Variants in NPAT observed in about 807,000 individuals in gnomAD.
The protein encoded by NPAT is nuclear protein, coactivator of histone transcription, also known as protein NPAT.
NPAT carries 52 observed loss-of-function variants against 130.7 expected under a neutral mutation model. The observed-to-expected ratio is 0.40, with a 90% CI of 0.32 to 0.50. The LOEUF (loss-of-function observed/expected upper bound fraction) is 0.50, where lower values mean the gene tolerates loss of function less well. NPAT is among the 20% of genes least tolerant of loss of function. The probability of loss-of-function intolerance (pLI) is 0.68; values close to 1 mark genes in which losing one functional copy is unlikely to be tolerated. For missense variants in NPAT, 1,687 were observed against 1,662.6 expected (o/e 1.01, Z -0.26); for synonymous variants, 580 against 584.8 (o/e 0.99, Z 0.12).
In NPAT at chr11:108,197,347, A is replaced by G. The variant is rs1480958727; in HGVS notation, c.111T>C (p.Tyr37=). The G allele has an allele frequency of 6.2e-7, 1 of 1,613,356 alleles. No individual in the cohort carries two copies. ...FILESSDLKE[Y]AEHCTDEGFI... Reference sequence around the variant, plus strand: ...ACCCTTCATCTGTACAATGTTCTGCATATTCTTTTAAATCTGAACTTTCCA... The same window carrying G: ...ACCCTTCATCTGTACAATGTTCTGCGTATTCTTTTAAATCTGAACTTTCCA... Residue 37 remains tyrosine (Y), a synonymous_variant, in exon 2 of 18, where the codon TAT becomes TAC. Coordinates refer to ENST00000278612, the MANE Select transcript of NPAT (RefSeq NM_002519.3).
rs1180051150 is a variant in NPAT at position 108,172,918 on chromosome 11, G to A, written c.2066C>T (p.Pro689Leu). 1 of 1,614,096 alleles carries A rather than the reference G, an allele frequency of 6.2e-7. No individual in the cohort carries two copies. ...NANCEKVALT[P>L]PEGTPVENSH... ...GTTTTCTACAGGAGTGCCTTCTGGA[G>A]GCGTCAGTGCAACTTTCTCACAGTT... The change falls in exon 13 of 18, where the codon CCT (proline) becomes CTT (leucine). Residue 689 changes from proline to leucine, a missense_variant. Physicochemically the swap from Pro to Leu is moderately conservative, Grantham distance 98. This residue lies in a region of NPAT where 1,379 missense variants were observed against 1,346.6 expected (regional missense o/e 1.02). Transcript: ENST00000278612.
chr11:108,180,075 C>T (rs1024365214), intron 10 of NPAT, among the ~76,000 whole-genome samples: 2 of 152,136 alleles, frequency 1.3e-5, no homozygotes, highest in Non-Finnish European at 2.9e-5. Context: ...ACCTATAGTC[C>T]TAGCACTTTG....
At chr11:108,174,184 T>C (rs1371933168) in intron 12 of NPAT, among the ~76,000 whole-genome samples, 2 of 152,204 alleles carry the variant, frequency 1.3e-5, no homozygotes, top group African/African-American at 4.8e-5. Flanking sequence ...CACTAACTTT[T>C]CAACTTCTAA....
intron 6 of NPAT, 101 bp downstream of exon 6, chr11:108,189,005 G>C: frequency 2.2e-6 from 2 of 894,498 alleles, no homozygotes; most frequent in South Asian, 1.4e-5. Flanking sequence ...TTTATGGGGG[G>C]GGCCATAATT....
chr11:108,211,787 A>C (rs539426939), intron 1 of NPAT, among the ~76,000 whole-genome samples: 2 of 152,346 alleles, frequency 1.3e-5, no homozygotes, highest in African/African-American at 2.4e-5. Context: ...CCATCTCTGC[A>C]AAAAATTAAA....
chr11:108,221,416 A>G (rs2078493387), intron 1 of NPAT, among the ~76,000 whole-genome samples: 1 of 152,256 alleles, frequency 6.6e-6, no homozygotes, highest in Non-Finnish European at 1.5e-5. Context: ...GCAAAAGATT[A>G]ATCAGACATT....
intron 1 of NPAT, among the ~76,000 whole-genome samples, chr11:108,201,584 G>C (rs1490022961): frequency 6.6e-6 from 1 of 152,186 alleles, no homozygotes; most frequent in Non-Finnish European, 1.5e-5. Context: ...AGCTGAATTT[G>C]GTAGCTAAAG....
At position 108,173,712 on chromosome 11, in the gene NPAT, C is replaced by T. The variant is rs771764618; in HGVS notation, c.1272G>A (p.Gln424=). 6 of 1,614,026 alleles carry T rather than the reference C, an allele frequency of 3.7e-6. No individual in the cohort carries two copies. In the African/African-American group the frequency reaches 6.7e-5, roughly 18 times the overall value. ...GTACAGCTGTTTTAAAGGCCTTTTT[C>T]TGTATGCTGGTACTTATTTGGGAAA... ...ENFSQISTSI[Q]KKAFKTAVPT... is the part of the protein sequence containing the mutation. The change falls in exon 13 of 18, where the codon CAG becomes CAA. Residue 424 remains glutamine, a synonymous_variant. Coordinates refer to ENST00000278612, the MANE Select transcript of NPAT (RefSeq NM_002519.3).
chr11:108,197,517 T>C (rs991358032), intron 1 of NPAT, 97 bp from the exon 2 acceptor site: 21 of 831,100 alleles, frequency 2.5e-5, no homozygotes, highest in Non-Finnish European at 3.6e-5. Flanking sequence ...GATGTCACAA[T>C]TGAAACCTTA....
intron 10 of NPAT, among the ~76,000 whole-genome samples, chr11:108,179,831 G>A: frequency 6.6e-6 from 1 of 151,934 alleles, no homozygotes; most frequent in African/African-American, 2.4e-5. Context: ...AATCATAAGG[G>A]AAAAGCTTCA....
intron 3 of NPAT, among the ~76,000 whole-genome samples, chr11:108,193,661 G>T (rs2078192322): frequency 6.6e-6 from 1 of 152,088 alleles, no homozygotes; most frequent in Non-Finnish European, 1.5e-5. Flanking sequence ...GGAGCTGGAG[G>T]TTGCAGTGAG....
chr11:108,183,762 T>C (rs2078078753), intron 10 of NPAT, among the ~76,000 whole-genome samples: 1 of 152,070 alleles, frequency 6.6e-6, no homozygotes, highest in African/African-American at 2.4e-5. Flanking sequence ...GCCACTGCAC[T>C]CCAGCCTGGG....
chr11:108,169,813 T>G lies in NPAT; in HGVS notation c.2941A>C (p.Ser981Arg). The change falls in exon 15 of 18, where the codon AGT becomes CGT. Residue 981 changes from serine (S) to arginine (R), a missense_variant. Physicochemically the swap from Ser to Arg is moderately radical, Grantham distance 110. Coordinates refer to ENST00000278612, the MANE Select transcript of NPAT (RefSeq NM_002519.3). Reference sequence around the variant, plus strand: ...GGAGGGACGGGGAATTGAGGGATACTTCTATTGCATACAGGTGCTGTCAAA... The same window carrying G: ...GGAGGGACGGGGAATTGAGGGATACGTCTATTGCATACAGGTGCTGTCAAA... ...MPLTAPVCNRSIPQFPVPPKS... is the reference protein window; with the variant it reads ...MPLTAPVCNRRIPQFPVPPKS... The G allele has an allele frequency of 5.0e-6, 8 of 1,614,092 alleles. No individual in the cohort carries two copies. The highest frequency in any genetic ancestry group is 2.2e-5 in the East Asian group (1 of 44,882).
chr11:108,199,454 T>C (rs1047834291), intron 1 of NPAT, among the ~76,000 whole-genome samples: 1 of 152,218 alleles, frequency 6.6e-6, no homozygotes, highest in Admixed American at 6.5e-5. Flanking sequence ...CTGGACAGCA[T>C]AGCGGCACTG....
chr11:108,172,061 C>A, intron 13 of NPAT, 138 bp downstream of exon 13: 2 of 737,778 alleles, frequency 2.7e-6, no homozygotes, highest in South Asian at 3.1e-5. Flanking sequence ...CATAAAGAAG[C>A]AGCGTAATCA....
chr11:108,194,613 A>G (rs1381352448), intron 2 of NPAT, among the ~76,000 whole-genome samples: 2 of 152,204 alleles, frequency 1.3e-5, no homozygotes, highest in African/African-American at 2.4e-5. Context: ...GAGTTTGTCA[A>G]TTTTTGAAAG....
intron 13 of NPAT, chr11:108,171,124 ATTTTTTTTT>A (rs63478164): frequency 3.1e-5 from 3 of 95,848 alleles, no homozygotes; most frequent in Admixed American, 2.9e-4. Context: ...TGAAAAAAGG[ATTTTTTTTT>A]TTTTTTTTTT....
intron 10 of NPAT, among the ~76,000 whole-genome samples, chr11:108,179,057 C>T (rs538174408): frequency 2.0e-5 from 3 of 152,058 alleles, no homozygotes; most frequent in Non-Finnish European, 4.4e-5. Flanking sequence ...ATACAGAGAT[C>T]AGAAATAAAC....
chr11:108,210,359 G>A (rs117653748), intron 1 of NPAT, among the ~76,000 whole-genome samples: 1 of 152,116 alleles, frequency 6.6e-6, no homozygotes, highest in Admixed American at 6.5e-5. Flanking sequence ...CTCATGCCCT[G>A]GTGCTATCCT....
Sources: allele counts gnomAD v4.1 joint callset (sites outside exome capture counted in the v4.1 genomes callset), GRCh38; gene constraint gnomAD v4.1.1; regional missense constraint gnomAD v4.1.1; transcripts MANE v1.5; gene names NCBI Gene and HGNC (gene_info 2026-07-23, HGNC 2026-07-21).